Variants in HLCS observed in about 807,000 individuals in gnomAD.
HLCS encodes biotin--protein ligase.
A neutral mutation model predicts 75.0 loss-of-function variants in HLCS; 53 were observed. That is an observed-to-expected ratio of 0.71 (90% CI 0.57 to 0.89). The LOEUF (loss-of-function observed/expected upper bound fraction) is 0.89, where lower values mean the gene tolerates loss of function less well. Ranked by LOEUF, HLCS falls within the 40% of genes least tolerant of loss-of-function variation. The pLI, the probability that HLCS is intolerant of heterozygous loss-of-function variation, is 0.00. For missense variants in HLCS, 966 were observed against 1,074.0 expected, an observed-to-expected ratio of 0.90 and a Z score of 1.41; for synonymous variants, 431 against 428.6, an observed-to-expected ratio of 1.01 and a Z score of -0.07.
chr21:36,787,617 CT>C (rs1258805509), intron 6 of HLCS, among the ~76,000 whole-genome samples: 1 of 152,200 alleles, frequency 6.6e-6, no homozygotes, highest in Non-Finnish European at 1.5e-5. Context: ...TGGAAAGCTC[CT>C]TTGCGGTCTT....
intron 6 of HLCS, among the ~76,000 whole-genome samples, chr21:36,888,557 A>C (rs909957898): frequency 1.4e-5 from 2 of 146,280 alleles, no homozygotes; most frequent in African/African-American, 5.1e-5. Context: ...GTAGAAAGTC[A>C]ACTGTCTCCC....
intron 6 of HLCS, among the ~76,000 whole-genome samples, chr21:36,770,127 C>T (rs944939388): frequency 7.3e-6 from 1 of 136,516 alleles, no homozygotes; most frequent in Non-Finnish European, 1.6e-5. Context: ...AAGCAGCATA[C>T]AAAACTATAG....
chr21:36,959,198 T>C (rs1171633751), intron 2 of HLCS, among the ~76,000 whole-genome samples: 1 of 152,238 alleles, frequency 6.6e-6, no homozygotes, highest in Non-Finnish European at 1.5e-5. Flanking sequence ...GGCCTCTTCC[T>C]GCTCCCTGTG....
chr21:36,942,976 C>T lies in HLCS; in HGVS notation c.331-3982G>A, dbSNP rs140328692. 5.0e-4 allele frequency among the ~76,000 whole-genome samples: 76 copies of T among 151,842 alleles called. No homozygotes were observed. The Middle Eastern group carries it at 0.02, about 41-fold the overall frequency. On this transcript the variant is annotated intron_variant, in intron 2 of 10. Coordinates refer to ENST00000674895, the MANE Select transcript of HLCS (RefSeq NM_001352514.2). ...AAAATATACAAACGCCCAATAAGCA[C>T]AAGAAACACTGCTCAACATCAGTCA...
chr21:36,959,770 A>G (rs1421491127), intron 2 of HLCS, among the ~76,000 whole-genome samples: 1 of 152,198 alleles, frequency 6.6e-6, no homozygotes. Context: ...CACTCAGTGA[A>G]GTTCCTCTCT....
intron 5 of HLCS, among the ~76,000 whole-genome samples, chr21:36,904,631 A>G (rs1168841830): frequency 6.6e-6 from 1 of 152,176 alleles, no homozygotes; most frequent in African/African-American, 2.4e-5. Flanking sequence ...GCCTCCCCCA[A>G]AACTTTCTCC....
At chr21:36,776,559 C>T (rs563793891) in intron 6 of HLCS, among the ~76,000 whole-genome samples, 11 of 152,218 alleles carry the variant, frequency 7.2e-5, no homozygotes, top group South Asian at 2.1e-4. Flanking sequence ...GGATTACAGG[C>T]GTGCACCACC....
intron 6 of HLCS, among the ~76,000 whole-genome samples, chr21:36,844,440 G>C (rs2062726785): frequency 6.6e-6 from 1 of 152,080 alleles, no homozygotes; most frequent in African/African-American, 2.4e-5. Flanking sequence ...ACTGCTCTAA[G>C]AAGTGAAGTC....
At chr21:36,971,383 C>A (rs2068785196), upstream of HLCS, among the ~76,000 whole-genome samples, 1 of 152,124 alleles carries the variant, frequency 6.6e-6, no homozygotes, top group Middle Eastern at 3.4e-3. Flanking sequence ...TCAAGAGATA[C>A]CAGATAAGCT....
chr21:36,896,097 C>T (rs181443762), intron 6 of HLCS, among the ~76,000 whole-genome samples: 4 of 152,322 alleles, frequency 2.6e-5, no homozygotes, highest in Non-Finnish European at 5.9e-5. Flanking sequence ...CGCCTAAAAT[C>T]CCAGCACTCT....
intron 1 of HLCS, among the ~76,000 whole-genome samples, chr21:36,988,313 C>G (rs1370706199): frequency 6.6e-6 from 1 of 152,042 alleles, no homozygotes; most frequent in Non-Finnish European, 1.5e-5. Context: ...TAGCCTAACA[C>G]AGTACTCTCT....
chr21:36,954,745 AAAAAAC>A (rs780168542), intron 2 of HLCS, among the ~76,000 whole-genome samples: 14 of 30,110 alleles, frequency 4.6e-4, no homozygotes, highest in African/African-American at 8.8e-4. Flanking sequence ...CTACTTATTA[AAAAAAC>A]AAAACAAAAC....
chr21:36,882,502 G>A (rs1276011947), intron 6 of HLCS, among the ~76,000 whole-genome samples: 3 of 151,688 alleles, frequency 2.0e-5, no homozygotes, highest in Non-Finnish European at 2.9e-5. Flanking sequence ...GTGCAGTGCC[G>A]CAATCTCAGC....
chr21:36,872,385 TGTCTC>T (rs2063802654), intron 6 of HLCS, among the ~76,000 whole-genome samples: 1 of 146,898 alleles, frequency 6.8e-6, no homozygotes. Context: ...AGCGAGCCTC[TGTCTC>T]AAAAAAAAAA....
At chr21:36,808,789 C>T (rs983353458) in intron 6 of HLCS, among the ~76,000 whole-genome samples, 4 of 152,198 alleles carry the variant, frequency 2.6e-5, no homozygotes. Flanking sequence ...GGTATTATTT[C>T]CCTTTAACTG....
At chr21:36,935,602 C>G (rs150033101) in intron 4 of HLCS, among the ~76,000 whole-genome samples, 342 of 152,280 alleles carry the variant, frequency 2.2e-3, no homozygotes, top group Non-Finnish European at 3.9e-3. Context: ...TCTACATCTG[C>G]GTAGTTTTCT....
intron 8 of HLCS, among the ~76,000 whole-genome samples, chr21:36,760,259 G>A (rs556404635): frequency 2.0e-5 from 3 of 152,294 alleles, no homozygotes; most frequent in African/African-American, 7.2e-5. Context: ...CCATGCTTGA[G>A]AGACAAAGAT....
At chr21:36,872,684 T>A (rs913237535) in intron 6 of HLCS, among the ~76,000 whole-genome samples, 1 of 152,258 alleles carries the variant, frequency 6.6e-6, no homozygotes, top group African/African-American at 2.4e-5. Flanking sequence ...TTTTTATTGC[T>A]AAGTAGTGTA....
chr21:36,944,404 G>A (rs1432843027), intron 2 of HLCS, among the ~76,000 whole-genome samples: 1 of 152,190 alleles, frequency 6.6e-6, no homozygotes, highest in Non-Finnish European at 1.5e-5. Context: ...ATGCATTGGG[G>A]TGATGGTAAT....
Sources: gnomAD v4.1 joint callset for allele counts (sites outside exome capture counted in the v4.1 genomes callset) on GRCh38, gnomAD v4.1.1 for gene constraint, MANE v1.5 for transcripts, NCBI Gene and HGNC (gene_info 2026-07-23, HGNC 2026-07-21) for gene names.